Variants in CHN2 observed in about 807,000 individuals in gnomAD.
CHN2 encodes the protein beta-chimaerin.
Under a neutral mutation model 56.3 loss-of-function variants are expected in CHN2, and 35 were observed. That is an observed-to-expected ratio of 0.62 (90% CI 0.47 to 0.82). The LOEUF (loss-of-function observed/expected upper bound fraction) is 0.82, where lower values mean the gene tolerates loss of function less well. Among genes scored for constraint, CHN2 ranks in the 40% least tolerant of loss-of-function variants. CHN2 has a pLI of 0.00. For synonymous variants in CHN2, 210 were observed against 212.8 expected, an observed-to-expected ratio of 0.99 and a Z score of 0.12; for missense variants, 491 against 580.5, an observed-to-expected ratio of 0.85 and a Z score of 1.58.
At chr7:29,362,312 C>G (rs1346578210) in intron 2 of CHN2, among the ~76,000 whole-genome samples, 1 of 152,210 alleles carries the variant, frequency 6.6e-6, no homozygotes, top group Non-Finnish European at 1.5e-5. Context: ...GCAGGCAACC[C>G]CGCTACCTTA....
At chr7:29,420,816 CT>C (rs56050438) in intron 6 of CHN2, among the ~76,000 whole-genome samples, 27 of 146,436 alleles carry the variant, frequency 1.8e-4, no homozygotes, top group African/African-American at 3.2e-4. Flanking sequence ...TCTTTTCTTT[CT>C]TTTTTTTTTT....
In CHN2 at chr7:29,350,195, T is replaced by C. The variant is rs535349803; in HGVS notation, c.50-4430T>C. On this transcript the variant is annotated intron_variant, in intron 1 of 12. Transcript: ENST00000222792. ...AAAGCTCTCACCTCTGCCTCTAACT[T>C]GTTTTATGACCTTGAGGAAACCACT... Among the ~76,000 whole-genome samples the C allele has an allele frequency of 1.6e-4, 24 of 152,352 alleles. 1 individual carries two copies. In the South Asian group the frequency reaches 5.0e-3, roughly 32 times the overall value.
chr7:29,372,025 C>T (rs987737084), intron 3 of CHN2, among the ~76,000 whole-genome samples: 4 of 152,026 alleles, frequency 2.6e-5, no homozygotes, highest in African/African-American at 9.6e-5. Flanking sequence ...AGACAGGAGC[C>T]CAAATCATCA....
intron 1 of CHN2, among the ~76,000 whole-genome samples, chr7:29,293,770 C>T (rs1184781495): frequency 6.6e-6 from 1 of 151,920 alleles, no homozygotes; most frequent in Non-Finnish European, 1.5e-5. Context: ...CCCCCTAGCA[C>T]ATCTCATTGT....
At position 29,375,190 on chromosome 7, in the gene CHN2, C is replaced by CTTTTTTTTTTTTT. The variant is rs70980534; in HGVS notation, c.144+7219_144+7231dup. On this transcript the variant is annotated intron_variant, in intron 3 of 12. Transcript: ENST00000222792. ...CAAGCATGAGCCACCGTGCTCGGCC[C>CTTTTTTTTTTTTT]TTTTTTTTTTTTTTTTTTTTTTTTT... Among the ~76,000 whole-genome samples, 3 of 77,908 alleles carry CTTTTTTTTTTTTT rather than the reference C, an allele frequency of 3.9e-5. 1 individual carries two copies. The highest frequency in any genetic ancestry group is 2.9e-4 in the Admixed American group (2 of 6,858). The allele number at this position is 77,908 out of a possible 152,430, so 51.1% of individuals were successfully genotyped here.
At chr7:29,510,846 A>G (rs1423325495) in intron 12 of CHN2, among the ~76,000 whole-genome samples, 1 of 152,158 alleles carries the variant, frequency 6.6e-6, no homozygotes, top group East Asian at 1.9e-4. Flanking sequence ...AGTACCTGCC[A>G]CACACACAGC....
chr7:29,204,219 T>G (rs1042775579), intron 1 of CHN2, among the ~76,000 whole-genome samples: 1 of 150,870 alleles, frequency 6.6e-6, no homozygotes, highest in African/African-American at 2.5e-5. Context: ...TGTATGTGTG[T>G]GTATATATGT....
At chr7:29,200,205 A>G (rs1784041715) in intron 1 of CHN2, 1 of 152,070 alleles carries the variant, frequency 6.6e-6, no homozygotes. Flanking sequence ...ATCACCCACC[A>G]ATCATTTATC....
intron 2 of CHN2, among the ~76,000 whole-genome samples, chr7:29,148,054 C>T (rs1793013032): frequency 1.3e-5 from 2 of 152,208 alleles, no homozygotes; most frequent in Non-Finnish European, 2.9e-5. Context: ...CCCCAGCCAC[C>T]TCTTGGGCAC....
chr7:29,272,523 G>A (rs7803597), intron 1 of CHN2, among the ~76,000 whole-genome samples: 13,006 of 152,148 alleles, frequency 0.085, 896 homozygotes, highest in African/African-American at 0.19. Context: ...CCAAGAAAAT[G>A]GGTGAATCTG....
At chr7:29,417,208 C>T (rs78157742) in intron 6 of CHN2, among the ~76,000 whole-genome samples, 2 of 151,900 alleles carry the variant, frequency 1.3e-5, no homozygotes, top group East Asian at 1.9e-4. Context: ...TTTGTATTTC[C>T]AAGGTACTTC....
At chr7:29,211,579 T>C (rs1251846422) in intron 1 of CHN2, among the ~76,000 whole-genome samples, 3 of 152,162 alleles carry the variant, frequency 2.0e-5, no homozygotes, top group African/African-American at 7.2e-5. Flanking sequence ...TCTCTTCATT[T>C]ATCTAAAAAC....
chr7:29,305,181 T>C (rs1334937761), intron 1 of CHN2, among the ~76,000 whole-genome samples: 2 of 152,178 alleles, frequency 1.3e-5, no homozygotes, highest in Non-Finnish European at 2.9e-5. Flanking sequence ...TCCCAGTGAT[T>C]GTTGCCGGGG....
chr7:29,512,880 G>A lies in CHN2; in HGVS notation c.*145G>A. ...GCAGAGGATCGCTGAGTGGGGTACT[G>A]TGTCTCATAGACATGCGCCACCTCC... On this transcript the variant is annotated 3_prime_UTR_variant, in exon 13 of 13. Transcript: ENST00000222792. 1.2e-6 allele frequency: 1 copy of A among 829,296 alleles called. No individual in the cohort carries two copies. The allele number at this position is 829,296 out of a possible 1,614,324, so 51.4% of individuals were successfully genotyped here.
chr7:29,146,593 AC>A lies in CHN2; in HGVS notation c.13del (p.His5ThrfsTer38). 1 of 1,550,272 alleles carries A rather than the reference AC, an allele frequency of 6.5e-7. No individual in the cohort carries two copies. The stretch of plus-strand genomic sequence containing the variant: ...GCTCCTCTAGGCTCACATGACCCAG[AC>A]CCACAGGGCAAAAAGTGCGTCGTCG... On this transcript the variant is annotated frameshift_variant, in exon 1 of 7. Coordinates refer to the CHN2 transcript ENST00000439384. LOFTEE classifies it high-confidence loss of function.
At chr7:29,429,919 A>G (rs1440895512) in intron 6 of CHN2, among the ~76,000 whole-genome samples, 1 of 152,190 alleles carries the variant, frequency 6.6e-6, no homozygotes, top group Non-Finnish European at 1.5e-5. Context: ...TCGATTTCAT[A>G]TGCTGTTTGT....
chr7:29,170,578 A>G (rs1796467522), intron 2 of CHN2, among the ~76,000 whole-genome samples: 2 of 152,226 alleles, frequency 1.3e-5, no homozygotes, highest in Non-Finnish European at 2.9e-5. Flanking sequence ...AAAATCAACC[A>G]TTACATGACA....
At chr7:29,440,064 G>A (rs902721768) in intron 6 of CHN2, among the ~76,000 whole-genome samples, 1 of 152,196 alleles carries the variant, frequency 6.6e-6, no homozygotes, top group African/African-American at 2.4e-5. Context: ...TTTAAAGAAA[G>A]CGAGACTCCT....
rs187272696 is a variant in CHN2, at chr7:29,327,655, G to C, written c.50-26970G>C. Among the ~76,000 whole-genome samples, 34 of 152,122 alleles carry C rather than the reference G, an allele frequency of 2.2e-4. No homozygotes were observed. In the East Asian group the frequency reaches 2.9e-3, roughly 13 times the overall value. ...GCCTGTAAAATGTGGTTAATGACGC[G>C]GTGCTCCCATATTGGGATAGCCAGA... On this transcript the variant is annotated intron_variant, in intron 1 of 12. Transcript: ENST00000222792.
Sources: gnomAD v4.1 joint callset for allele counts (sites outside exome capture counted in the v4.1 genomes callset) on GRCh38, gnomAD v4.1.1 for gene constraint, MANE v1.5 for transcripts, NCBI Gene and HGNC (gene_info 2026-07-23, HGNC 2026-07-21) for gene names.